Variants in LUZP2 observed in about 807,000 individuals in gnomAD.
LUZP2 encodes leucine zipper protein 2.
A neutral mutation model predicts 51.6 loss-of-function variants in LUZP2; 52 were observed. The ratio of observed to expected loss-of-function variants is 1.01; its 90% CI spans 0.81 to 1.27. LUZP2 has a LOEUF of 1.27. LUZP2 is among the 50% of genes most tolerant of loss of function. The pLI is 0.00. For missense variants in LUZP2, 436 were observed against 395.4 expected (o/e 1.10, Z -0.87); for synonymous variants, 154 against 137.3 (o/e 1.12, Z -0.85).
intron 7 of LUZP2, among the ~76,000 whole-genome samples, chr11:24,923,968 GT>G (rs1195406559): frequency 6.6e-6 from 1 of 152,064 alleles, no homozygotes; most frequent in African/African-American, 2.4e-5. Flanking sequence ...CTCGTTGACT[GT>G]TATTCTACCC....
chr11:24,593,157 A>C (rs1853316343), intron 1 of LUZP2, among the ~76,000 whole-genome samples: 1 of 152,152 alleles, frequency 6.6e-6, no homozygotes, highest in African/African-American at 2.4e-5. Context: ...GCCCATAAGT[A>C]AAAATCAACT....
intron 1 of LUZP2, among the ~76,000 whole-genome samples, chr11:24,618,477 C>G (rs1241697393): frequency 6.6e-6 from 1 of 152,104 alleles, no homozygotes; most frequent in African/African-American, 2.4e-5. Context: ...CTGTGCTTGA[C>G]TAGAGTAGAG....
intron 1 of LUZP2, among the ~76,000 whole-genome samples, chr11:24,571,829 A>G (rs1346587246): frequency 6.6e-6 from 1 of 152,054 alleles, no homozygotes; most frequent in Non-Finnish European, 1.5e-5. Flanking sequence ...TTATCCACCT[A>G]TTTACTTATA....
intron 7 of LUZP2, among the ~76,000 whole-genome samples, chr11:24,918,985 A>G (rs902645335): frequency 3.1e-5 from 1 of 32,530 alleles, no homozygotes; most frequent in South Asian, 9.2e-4. Flanking sequence ...TATATACTAT[A>G]TATCCATAAT....
At chr11:24,955,700 A>G (rs1468751016) in intron 7 of LUZP2, among the ~76,000 whole-genome samples, 2 of 152,024 alleles carry the variant, frequency 1.3e-5, no homozygotes, top group African/African-American at 2.4e-5. Context: ...AACTAATTTC[A>G]TGACCAGGGA....
At chr11:24,774,291 C>G (rs952824365) in intron 5 of LUZP2, among the ~76,000 whole-genome samples, 1 of 145,270 alleles carries the variant, frequency 6.9e-6, no homozygotes, top group African/African-American at 2.6e-5. Flanking sequence ...TATTATGGGG[C>G]CCTGTGATTG....
chr11:24,664,701 C>T (rs1856153469), intron 1 of LUZP2, among the ~76,000 whole-genome samples: 1 of 152,290 alleles, frequency 6.6e-6, no homozygotes, highest in Non-Finnish European at 1.5e-5. Context: ...TACATCATTG[C>T]TTCAGATGAT....
chr11:24,526,873 T>G (rs1314721419), intron 1 of LUZP2, among the ~76,000 whole-genome samples: 1 of 151,302 alleles, frequency 6.6e-6, no homozygotes, highest in Non-Finnish European at 1.5e-5. Context: ...AGCAGCAATA[T>G]TCAGAAAATA....
At chr11:25,017,867 T>G (rs1596846) in intron 9 of LUZP2, among the ~76,000 whole-genome samples, 146,881 of 152,226 alleles carry the variant, frequency 0.96, 71,053 homozygotes, top group East Asian at 1. Context: ...AATTGTTTTG[T>G]AAAGCATGGT....
At chr11:25,056,642 C>T (rs1212495829) in intron 10 of LUZP2, among the ~76,000 whole-genome samples, 1 of 152,038 alleles carries the variant, frequency 6.6e-6, no homozygotes, top group Non-Finnish European at 1.5e-5. Flanking sequence ...GAAGATTTTT[C>T]AAATTTTAGC....
intron 5 of LUZP2, among the ~76,000 whole-genome samples, chr11:24,814,625 G>C (rs1281970196): frequency 6.6e-6 from 1 of 152,130 alleles, no homozygotes; most frequent in African/African-American, 2.4e-5. Context: ...GATGACTTAT[G>C]GTAGTTACAG....
At chr11:25,020,106 G>T (rs1590843397) in intron 9 of LUZP2, among the ~76,000 whole-genome samples, 1 of 152,066 alleles carries the variant, frequency 6.6e-6, no homozygotes, top group South Asian at 2.1e-4. Context: ...ATTTTCTAAA[G>T]TTTATCATTT....
intron 9 of LUZP2, among the ~76,000 whole-genome samples, chr11:25,037,391 T>C (rs12789313): frequency 0.47 from 71,742 of 151,944 alleles, 17,430 homozygotes; most frequent in Non-Finnish European, 0.51. Flanking sequence ...AATGATTGGG[T>C]CTTGTCTTTT....
chr11:24,972,190 T>G lies in LUZP2; in HGVS notation c.523-4401T>G, dbSNP rs535283562. ...CTTGGGCATGAATGACAATAAAATT[T>G]TCAAAGGCAAATTTGCTATTTTTGT... On this transcript the variant is annotated intron_variant, in intron 7 of 11. Coordinates refer to ENST00000336930, the MANE Select transcript of LUZP2 (RefSeq NM_001009909.4). Among the ~76,000 whole-genome samples the G allele has an allele frequency of 7.9e-5, 11 of 140,006 alleles. No homozygotes were observed. In the South Asian group the frequency reaches 2.6e-3, roughly 33 times the overall value. 91.8% of individuals were successfully genotyped at this position (140,006 alleles called of 152,430 possible). A position where few individuals can be genotyped will look rare whatever the true frequency, so the allele number is the denominator to read the frequency against.
chr11:24,866,186 A>G (rs955615537), intron 5 of LUZP2, among the ~76,000 whole-genome samples: 6 of 151,798 alleles, frequency 4.0e-5, no homozygotes, highest in Non-Finnish European at 7.4e-5. Flanking sequence ...ATTGTCTAAT[A>G]TTCTTCTTTA....
intron 10 of LUZP2, among the ~76,000 whole-genome samples, chr11:25,052,900 T>C (rs1419438538): frequency 1.3e-5 from 2 of 152,114 alleles, no homozygotes; most frequent in Non-Finnish European, 2.9e-5. Context: ...GCTATTTAGT[T>C]TTTAACAAGG....
intron 1 of LUZP2, among the ~76,000 whole-genome samples, chr11:24,517,166 A>T (rs1850490874): frequency 6.6e-6 from 1 of 152,086 alleles, no homozygotes; most frequent in South Asian, 2.1e-4. Flanking sequence ...CACCTGTCCA[A>T]AAAACTATTG....
In LUZP2 at chr11:24,517,887, T is replaced by C. The variant is rs541686895; in HGVS notation, c.62+20582T>C. On this transcript the variant is annotated intron_variant, in intron 1 of 11. Transcript: ENST00000336930. ...TTTTAATTATAGAAAATTCCTGTCTTTTAATCACTGAGAAAACAATTTTCC... is the reference window on the plus strand; with the variant it reads ...TTTTAATTATAGAAAATTCCTGTCTCTTAATCACTGAGAAAACAATTTTCC... Among the ~76,000 whole-genome samples the C allele has an allele frequency of 5.3e-5, 8 of 152,286 alleles. 1 individual carries two copies. The highest frequency in any genetic ancestry group is 2.4e-5 in the African/African-American group (1 of 41,574).
At chr11:25,065,292 T>A (rs1417193088) in intron 10 of LUZP2, among the ~76,000 whole-genome samples, 2 of 152,080 alleles carry the variant, frequency 1.3e-5, no homozygotes, top group East Asian at 1.9e-4. Flanking sequence ...TGAATGAACC[T>A]TATTAACATT....
Sources: gnomAD v4.1 joint callset for allele counts (sites outside exome capture counted in the v4.1 genomes callset) on GRCh38, gnomAD v4.1.1 for gene constraint, MANE v1.5 for transcripts, NCBI Gene and HGNC (gene_info 2026-07-23, HGNC 2026-07-21) for gene names.